Variants in MACROD2 observed in about 807,000 individuals in gnomAD.
MACROD2 encodes the protein mono-ADP ribosylhydrolase 2.
A neutral mutation model predicts 70.4 loss-of-function variants in MACROD2; 36 were observed. That is an observed-to-expected ratio of 0.51 (90% CI 0.39 to 0.68). MACROD2 has a LOEUF of 0.68. MACROD2 is among the 30% of genes least tolerant of loss of function. MACROD2 has a pLI of 0.00. For synonymous variants in MACROD2, 172 were observed against 178.8 expected (o/e 0.96, Z 0.30); for missense variants, 496 against 538.4 (o/e 0.92, Z 0.78).
At chr20:15,744,087 A>G in intron 8 of MACROD2, among the ~76,000 whole-genome samples, 1 of 151,996 alleles carries the variant, frequency 6.6e-6, no homozygotes, top group East Asian at 1.9e-4. Flanking sequence ...GCATCCCTGA[A>G]CAATACAGTT....
chr20:14,307,663 C>T (rs1049741843), intron 3 of MACROD2, among the ~76,000 whole-genome samples: 6 of 152,182 alleles, frequency 3.9e-5, no homozygotes, highest in South Asian at 2.1e-4. Context: ...CCTATGTTGT[C>T]AGATGTTGCC....
At chr20:15,515,203 G>A (rs2146519389) in intron 8 of MACROD2, among the ~76,000 whole-genome samples, 1 of 152,332 alleles carries the variant, frequency 6.6e-6, no homozygotes, top group South Asian at 2.1e-4. Context: ...AAGGCTTCAT[G>A]TGATTAGAAC....
intron 3 of MACROD2, among the ~76,000 whole-genome samples, chr20:14,373,815 A>G (rs1462806149): frequency 6.6e-6 from 1 of 151,718 alleles, no homozygotes; most frequent in African/African-American, 2.4e-5. Context: ...GCGGTGTTAC[A>G]CTAGCTCTAC....
intron 10 of MACROD2, among the ~76,000 whole-genome samples, chr20:15,931,905 G>A (rs1357809138): frequency 6.6e-6 from 1 of 152,090 alleles, no homozygotes; most frequent in African/African-American, 2.4e-5. Context: ...CTGCTTCTGA[G>A]GCTTTTGTTT....
chr20:14,719,995 T>A (rs1240972740), intron 5 of MACROD2, among the ~76,000 whole-genome samples: 6 of 152,190 alleles, frequency 3.9e-5, no homozygotes. Flanking sequence ...ACCTTTTATC[T>A]TCCTGGAGGA....
intron 6 of MACROD2, among the ~76,000 whole-genome samples, chr20:15,320,889 C>T (rs536708736): frequency 1.1e-3 from 160 of 152,280 alleles, no homozygotes; most frequent in African/African-American, 3.8e-3. Flanking sequence ...TGTCATTGCC[C>T]TGCCTAGCCA....
In MACROD2 at chr20:15,577,298, C is replaced by A. The variant is rs76803752; in HGVS notation, c.645+77451C>A. Among the ~76,000 whole-genome samples, 980 of 152,078 alleles carry A rather than the reference C, an allele frequency of 6.4e-3. 11 individuals are homozygous for A. The highest frequency in any genetic ancestry group is 0.022 in the African/African-American group (910 of 41,472). On this transcript the variant is annotated intron_variant, in intron 8 of 17. Transcript: ENST00000684519. ...GCCAGCTCCACCAGTTATCGACTCA[C>A]ATCTACTCAGAGTTCATATCTACCC...
chr20:15,817,886 C>G (rs1472757805), intron 8 of MACROD2, among the ~76,000 whole-genome samples: 1 of 152,172 alleles, frequency 6.6e-6, no homozygotes, highest in Non-Finnish European at 1.5e-5. Flanking sequence ...CTTCCTTCAG[C>G]CTTACTTCTT....
intron 4 of MACROD2, among the ~76,000 whole-genome samples, chr20:14,680,206 T>C (rs1285563219): frequency 6.6e-6 from 1 of 152,148 alleles, no homozygotes; most frequent in Non-Finnish European, 1.5e-5. Flanking sequence ...AATAAATCCC[T>C]CTTGAATCCT....
chr20:15,249,920 C>G (rs750772804), intron 6 of MACROD2, among the ~76,000 whole-genome samples: 1 of 152,150 alleles, frequency 6.6e-6, no homozygotes, highest in Non-Finnish European at 1.5e-5. Flanking sequence ...TTATTTTTCC[C>G]TTTATATGTA....
chr20:15,085,428 C>T (rs954325591), intron 5 of MACROD2, among the ~76,000 whole-genome samples: 5 of 151,872 alleles, frequency 3.3e-5, no homozygotes, highest in African/African-American at 1.2e-4. Flanking sequence ...TTTTGTGCTT[C>T]AAAGGACACA....
intron 5 of MACROD2, among the ~76,000 whole-genome samples, chr20:14,915,911 T>G (rs1199056308): frequency 3.3e-5 from 5 of 152,136 alleles, no homozygotes; most frequent in Admixed American, 2.0e-4. Flanking sequence ...TGTGTAAGTC[T>G]GCAGACCTAT....
At chr20:14,067,229 T>C (rs1207633524) in intron 2 of MACROD2, among the ~76,000 whole-genome samples, 1 of 150,240 alleles carries the variant, frequency 6.7e-6, no homozygotes, top group Non-Finnish European at 1.5e-5. Flanking sequence ...GTTCAAGCGA[T>C]TCTCCTGCCT....
chr20:14,624,252 G>A (rs1456293112), intron 4 of MACROD2, among the ~76,000 whole-genome samples: 1 of 152,156 alleles, frequency 6.6e-6, no homozygotes, highest in South Asian at 2.1e-4. Flanking sequence ...TTGCAATTAA[G>A]CAGTGAGACA....
intron 6 of MACROD2, among the ~76,000 whole-genome samples, chr20:15,317,132 G>A (rs535900408): frequency 6.6e-6 from 1 of 151,994 alleles, no homozygotes; most frequent in African/African-American, 2.4e-5. Flanking sequence ...ATCCAATTTT[G>A]CACTTTAAGA....
intron 8 of MACROD2, among the ~76,000 whole-genome samples, chr20:15,837,356 C>T (rs919500621): frequency 6.6e-6 from 1 of 152,048 alleles, no homozygotes; most frequent in Non-Finnish European, 1.5e-5. Context: ...GAATGGGACC[C>T]CTTTTCTCCG....
At chr20:14,923,482 T>G (rs1169657558) in intron 5 of MACROD2, among the ~76,000 whole-genome samples, 1 of 152,096 alleles carries the variant, frequency 6.6e-6, no homozygotes. Context: ...GCACACCTTC[T>G]GTAGTTTCCT....
At chr20:14,682,374 T>A (rs1019321163) in intron 4 of MACROD2, among the ~76,000 whole-genome samples, 4 of 151,820 alleles carry the variant, frequency 2.6e-5, no homozygotes, top group Admixed American at 2.6e-4. Context: ...CATAATAATA[T>A]CACCAACTGC....
intron 8 of MACROD2, among the ~76,000 whole-genome samples, chr20:15,544,154 A>C (rs2047995592): frequency 6.6e-6 from 1 of 152,184 alleles, no homozygotes; most frequent in Admixed American, 6.5e-5. Context: ...AGGGGCCATC[A>C]CCTCACAGCG....
Sources: gnomAD v4.1 joint callset for allele counts (sites outside exome capture counted in the v4.1 genomes callset) on GRCh38, gnomAD v4.1.1 for gene constraint, MANE v1.5 for transcripts, NCBI Gene and HGNC (gene_info 2026-07-23, HGNC 2026-07-21) for gene names.